Variants in TBXAS1 observed in about 807,000 individuals in gnomAD.
The protein encoded by TBXAS1 is thromboxane A synthase 1.
In TBXAS1, 48 loss-of-function variants were observed where a neutral mutation model predicts 60.7. The ratio of observed to expected loss-of-function variants is 0.79; its 90% confidence interval spans 0.63 to 1.01. The LOEUF (loss-of-function observed/expected upper bound fraction) is 1.01. Among genes scored for constraint, TBXAS1 ranks in the 50% least tolerant of loss-of-function variants. The probability of loss-of-function intolerance (pLI) is 0.00; values close to 1 mark genes in which losing one functional copy is unlikely to be tolerated. For synonymous variants in TBXAS1, 287 were observed against 269.7 expected, an observed-to-expected ratio of 1.06 and a Z score of -0.63; for missense variants, 685 against 686.3, an observed-to-expected ratio of 1.00 and a Z score of 0.02.
chr7:139,976,952 G>A (rs1164461536), intron 9 of TBXAS1, among the ~76,000 whole-genome samples: 1 of 152,098 alleles, frequency 6.6e-6, no homozygotes, highest in Non-Finnish European at 1.5e-5. Flanking sequence ...TCATGCTGTG[G>A]TCAGATCCAG....
rs140553106 is a variant in TBXAS1, at chr7:139,839,104, A to G, written c.89+9625A>G. The stretch of plus-strand genomic sequence containing the variant: ...CTGGGTTCCTGTGGGGAGGATAAAG[A>G]TTGCTTTATTCTTTAAGATCCAGTG... On this transcript the variant is annotated intron_variant, in intron 1 of 12. Coordinates refer to ENST00000448866, the MANE Select transcript of TBXAS1 (RefSeq NM_001061.7). 8.3e-3 allele frequency among the ~76,000 whole-genome samples: 1,263 copies of G among 152,240 alleles called. 8 individuals are homozygous for G. Among genetic ancestry groups the G allele is most frequent in the Non-Finnish European group, 0.013 (916 of 68,028 alleles).
intron 1 of TBXAS1, among the ~76,000 whole-genome samples, chr7:139,871,113 G>T (rs994247010): frequency 6.6e-6 from 1 of 150,816 alleles, no homozygotes; most frequent in Non-Finnish European, 1.5e-5. Flanking sequence ...ATGCAAACCA[G>T]CACTTAAGCT....
At chr7:139,937,037 C>G (rs1008593218) in intron 5 of TBXAS1, among the ~76,000 whole-genome samples, 1 of 152,298 alleles carries the variant, frequency 6.6e-6, no homozygotes, top group East Asian at 1.9e-4. Flanking sequence ...GTTTGTACAG[C>G]CTCCAGACCA....
upstream of TBXAS1, among the ~76,000 whole-genome samples, chr7:139,826,812 A>G (rs985858838): frequency 2.6e-5 from 4 of 152,318 alleles, no homozygotes; most frequent in South Asian, 2.1e-4. Flanking sequence ...TTCAGCCATC[A>G]GTGCTCTCTG....
chr7:139,837,492 C>T (rs562373987), intron 1 of TBXAS1, among the ~76,000 whole-genome samples: 9 of 152,254 alleles, frequency 5.9e-5, no homozygotes, highest in South Asian at 4.1e-4. Flanking sequence ...TAAAAAGGAA[C>T]GACTTAACAG....
chr7:139,911,027 T>C (rs1805475164), intron 3 of TBXAS1, among the ~76,000 whole-genome samples, 198 bp from the exon 4 acceptor site: 1 of 152,168 alleles, frequency 6.6e-6, no homozygotes, highest in African/African-American at 2.4e-5. Flanking sequence ...ATTCCATGAG[T>C]GCTGGTGGAA....
intron 4 of TBXAS1, among the ~76,000 whole-genome samples, chr7:139,807,440 G>A (rs1797906254): frequency 6.6e-6 from 1 of 151,740 alleles, no homozygotes; most frequent in Admixed American, 6.6e-5. Context: ...CTGGAGTGTA[G>A]TGGCGCAATC....
intron 3 of TBXAS1, among the ~76,000 whole-genome samples, chr7:139,901,316 A>T (rs1804550393): frequency 7.0e-6 from 1 of 142,064 alleles, no homozygotes; most frequent in Non-Finnish European, 1.5e-5. Context: ...TAGCATTAGC[A>T]ATATTACTAC....
intron 5 of TBXAS1, among the ~76,000 whole-genome samples, chr7:139,938,531 G>A (rs577663782): frequency 6.6e-6 from 1 of 152,302 alleles, no homozygotes; most frequent in African/African-American, 2.4e-5. Context: ...ATTCACAGGA[G>A]AATGTGAAGG....
intron 2 of TBXAS1, among the ~76,000 whole-genome samples, chr7:139,781,837 C>CAAAAAAAAAAA (rs200999267): frequency 3.0e-5 from 2 of 67,312 alleles, no homozygotes; most frequent in East Asian, 6.4e-4. Flanking sequence ...AATTCCATCT[C>CAAAAAAAAAAA]AAAAAAAAAA....
At chr7:139,992,662 G>T (rs1813003789) in intron 9 of TBXAS1, among the ~76,000 whole-genome samples, 1 of 152,258 alleles carries the variant, frequency 6.6e-6, no homozygotes, top group African/African-American at 2.4e-5. Context: ...GCCTCTGCAA[G>T]CTCCCCAAGC....
chr7:139,971,984 A>C (rs1234328630), intron 9 of TBXAS1, among the ~76,000 whole-genome samples: 1 of 152,086 alleles, frequency 6.6e-6, no homozygotes, highest in Non-Finnish European at 1.5e-5. Flanking sequence ...GAAGCCTGTA[A>C]GTGCACACAG....
At chr7:139,979,108 T>A (rs1430540974) in intron 9 of TBXAS1, among the ~76,000 whole-genome samples, 9 of 152,194 alleles carry the variant, frequency 5.9e-5, no homozygotes, top group Admixed American at 1.3e-4. Flanking sequence ...CTGAGGTAGA[T>A]CGTTCCAGGA....
intron 9 of TBXAS1, among the ~76,000 whole-genome samples, chr7:139,976,009 C>T (rs1162484392): frequency 6.6e-6 from 1 of 152,230 alleles, no homozygotes; most frequent in Non-Finnish European, 1.5e-5. Context: ...TTGTAGAAAG[C>T]TTTTCAGCCA....
intron 3 of TBXAS1, among the ~76,000 whole-genome samples, chr7:139,882,987 A>T (rs971109233): frequency 7.9e-5 from 12 of 152,308 alleles, no homozygotes; most frequent in Non-Finnish European, 1.5e-4. Flanking sequence ...AAACTGCATT[A>T]TTGCATTTTA....
intron 9 of TBXAS1, among the ~76,000 whole-genome samples, chr7:140,000,278 T>G (rs1272718278): frequency 6.6e-6 from 1 of 152,122 alleles, no homozygotes; most frequent in East Asian, 1.9e-4. Flanking sequence ...GACTGGAGGA[T>G]CACTGGAGTC....
intron 1 of TBXAS1, among the ~76,000 whole-genome samples, chr7:139,835,412 A>G (rs888899818): frequency 6.6e-6 from 1 of 152,158 alleles, no homozygotes; most frequent in Admixed American, 6.5e-5. Context: ...AAATCCAACA[A>G]CATATCAAAA....
At chr7:139,944,313 G>A (rs754357244) in intron 5 of TBXAS1, among the ~76,000 whole-genome samples, 1 of 152,182 alleles carries the variant, frequency 6.6e-6, no homozygotes, top group Non-Finnish European at 1.5e-5. Flanking sequence ...GGTATGTTCA[G>A]GGAATAGGGG....
chr7:139,917,720 A>C (rs1355264507), intron 4 of TBXAS1, among the ~76,000 whole-genome samples: 1 of 152,232 alleles, frequency 6.6e-6, no homozygotes, highest in Non-Finnish European at 1.5e-5. Flanking sequence ...TCAATGCTCA[A>C]ATGTACTTCT....
Sources: gnomAD v4.1 joint callset for allele counts (sites outside exome capture counted in the v4.1 genomes callset) on GRCh38, gnomAD v4.1.1 for gene constraint, MANE v1.5 for transcripts, NCBI Gene and HGNC (gene_info 2026-07-23, HGNC 2026-07-21) for gene names.